DDX46: variants seen among roughly 807,000 people sequenced by gnomAD.
DDX46 encodes DEAD-box helicase 46, also known as probable ATP-dependent RNA helicase DDX46.
Under a neutral mutation model 134.9 loss-of-function variants are expected in DDX46, and 30 were observed. The ratio of observed to expected loss-of-function variants is 0.22; its 90% confidence interval spans 0.17 to 0.30. The LOEUF (loss-of-function observed/expected upper bound fraction) is 0.30. Ranked by LOEUF, DDX46 falls within the 10% of genes least tolerant of loss-of-function variation. The pLI, the probability that DDX46 is intolerant of heterozygous loss-of-function variation, is 1.00. For missense variants in DDX46, 622 were observed against 1,248.7 expected, an observed-to-expected ratio of 0.50 and a Z score of 7.56; for synonymous variants, 415 against 404.1, an observed-to-expected ratio of 1.03 and a Z score of -0.32.
chr5:134,765,056 C>CTT (rs61601059), intron 2 of DDX46, among the ~76,000 whole-genome samples: 3 of 141,278 alleles, frequency 2.1e-5, no homozygotes, highest in East Asian at 2.0e-4. Context: ...GCGCCTTAAT[C>CTT]TTTTTTTTTT....
chr5:134,793,244 A>G (rs992929525), intron 13 of DDX46, among the ~76,000 whole-genome samples: 5 of 152,208 alleles, frequency 3.3e-5, no homozygotes, highest in East Asian at 3.8e-4. Context: ...TTTCAGTGTC[A>G]TGCAGCACTA....
chr5:134,799,741 GAAA>G (rs113261672), intron 15 of DDX46, among the ~76,000 whole-genome samples: 39 of 106,300 alleles, frequency 3.7e-4, no homozygotes, highest in Admixed American at 2.4e-3. Context: ...TCCGTCTCAA[GAAA>G]AAAAAAAAAA....
chr5:134,798,166 C>T (rs543115995), intron 15 of DDX46, among the ~76,000 whole-genome samples: 2 of 150,642 alleles, frequency 1.3e-5, no homozygotes, highest in South Asian at 2.1e-4. Context: ...TATCCCCGCC[C>T]CCCACCGTTT....
At chr5:134,786,008 C>T (rs1754322365) in intron 11 of DDX46, among the ~76,000 whole-genome samples, 1 of 152,066 alleles carries the variant, frequency 6.6e-6, no homozygotes, top group Admixed American at 6.6e-5. Flanking sequence ...GCCACCACGC[C>T]TGGCTAATTT....
intron 17 of DDX46, 92 bp from the exon 18 acceptor site, chr5:134,811,604 C>T (rs2150156600): frequency 7.3e-7 from 1 of 1,374,906 alleles, no homozygotes; most frequent in East Asian, 2.4e-5. Flanking sequence ...ATTACATTGA[C>T]ATACACCACC....
intron 18 of DDX46, 150 bp downstream of exon 18, chr5:134,811,995 A>T (rs569989357): frequency 2.7e-6 from 2 of 737,118 alleles, no homozygotes. Context: ...TGCCTACTAC[A>T]TACCAGTACC....
chr5:134,807,114 C>T (rs1449534130), intron 15 of DDX46, among the ~76,000 whole-genome samples: 2 of 147,300 alleles, frequency 1.4e-5, no homozygotes, highest in Non-Finnish European at 3.0e-5. Flanking sequence ...AGTGCAGTGG[C>T]GCAATCTCGG....
intron 1 of DDX46, among the ~76,000 whole-genome samples, chr5:134,760,725 TTTTTTG>T (rs1389706411): frequency 3.5e-4 from 53 of 152,184 alleles, no homozygotes; most frequent in East Asian, 5.8e-4. Flanking sequence ...ACTTGGTTGT[TTTTTTG>T]TTTTTGTTTT....
At chr5:134,802,991 T>C (rs1446977754) in intron 15 of DDX46, among the ~76,000 whole-genome samples, 1 of 152,176 alleles carries the variant, frequency 6.6e-6, no homozygotes, top group African/African-American at 2.4e-5. Flanking sequence ...AATCTCTTAC[T>C]TTTTAATTTT....
At chr5:134,761,915 T>A (rs890047571) in intron 1 of DDX46, among the ~76,000 whole-genome samples, 1 of 152,120 alleles carries the variant, frequency 6.6e-6, no homozygotes, top group Admixed American at 6.6e-5. Context: ...CCTTTTGTCC[T>A]TGCCTCCCTT....
At chr5:134,769,997 G>A (rs1753710296) in intron 3 of DDX46, among the ~76,000 whole-genome samples, 1 of 152,058 alleles carries the variant, frequency 6.6e-6, no homozygotes. Context: ...AAACACAGTT[G>A]ACTCTTAGAA....
At position 134,767,067 on chromosome 5, in the gene DDX46, TTA is replaced by T. The variant is rs758830873; in HGVS notation, c.350+9_350+10del. ...GCAAGAAAACTGAGAATAGGTAATG[TTA>T]TCATTGGGCTGCATCTATAGTGCAG... is the stretch of plus-strand genomic sequence containing the variant. On this transcript the variant is annotated splice_region_variant and intron_variant, in intron 3 of 22. Transcript: ENST00000452510. The T allele has an allele frequency of 6.2e-7, 1 of 1,610,954 alleles. No homozygotes were observed. The highest frequency in any genetic ancestry group is 1.3e-5 in the African/African-American group (1 of 74,500).
chr5:134,807,995 CTTTAGTAT>C, intron 16 of DDX46, 54 bp downstream of exon 16: 2 of 1,474,560 alleles, frequency 1.4e-6, no homozygotes, highest in Non-Finnish European at 1.8e-6. Flanking sequence ...ACAGGTGTTT[CTTTAGTAT>C]TTCAAGGAGT....
At chr5:134,804,811 A>T in intron 15 of DDX46, 1 of 406,202 alleles carries the variant, frequency 2.5e-6, no homozygotes. Flanking sequence ...TGCCTTCAAC[A>T]CTTTCACCAT....
chr5:134,762,852 C>T (rs902202261), intron 1 of DDX46, among the ~76,000 whole-genome samples: 2 of 152,036 alleles, frequency 1.3e-5, no homozygotes, highest in African/African-American at 4.8e-5. Flanking sequence ...GTCAGGAGAT[C>T]GAGACCATCC....
In DDX46 at chr5:134,764,026, G is replaced by A. The variant is rs1366509574; in HGVS notation, c.140G>A (p.Arg47Lys). Reference protein sequence around the residue: ...DRRSRSRDRDRRRERSRSRDK... With the variant: ...DRRSRSRDRDKRRERSRSRDK... ...CGGTCTAGAAGTAGAGATAGAGATA[G>A]GAGGAGAGAGAGGTCTCGTAGCAGG... Residue 47 changes from arginine to lysine, a missense_variant, in exon 2 of 23, where the codon AGG (arginine) becomes AAG (lysine). By Grantham distance (26) the Arg-to-Lys change is conservative. Coordinates refer to ENST00000452510, the MANE Select transcript of DDX46 (RefSeq NM_001300860.2). 6.2e-7 allele frequency: 1 copy of A among 1,614,224 alleles called. No homozygotes were observed. The highest frequency in any genetic ancestry group is 1.1e-5 in the South Asian group (1 of 91,082).
intron 1 of DDX46, among the ~76,000 whole-genome samples, chr5:134,763,187 C>G (rs1338712484): frequency 6.6e-6 from 1 of 152,092 alleles, no homozygotes; most frequent in Non-Finnish European, 1.5e-5. Flanking sequence ...GAACTGTGAG[C>G]ACATCACTGC....
intron 18 of DDX46, among the ~76,000 whole-genome samples, chr5:134,813,414 CTG>C (rs1008092199): frequency 6.6e-6 from 1 of 152,182 alleles, no homozygotes; most frequent in African/African-American, 2.4e-5. Context: ...GCAGGCTTGA[CTG>C]TTGCTGGATG....
intron 13 of DDX46, 108 bp from the exon 14 acceptor site, chr5:134,794,742 A>G (rs921843552): frequency 3.5e-6 from 5 of 1,434,290 alleles, no homozygotes; most frequent in Admixed American, 4.4e-5. Flanking sequence ...TGGGAGTGGC[A>G]AAACTGAGAC....
Sources: gnomAD v4.1 joint callset for allele counts (sites outside exome capture counted in the v4.1 genomes callset) on GRCh38, gnomAD v4.1.1 for gene constraint, MANE v1.5 for transcripts, NCBI Gene and HGNC (gene_info 2026-07-23, HGNC 2026-07-21) for gene names.